Variants in MYRFL observed in about 807,000 individuals in gnomAD.
The protein encoded by MYRFL is myelin regulatory factor-like protein.
Under a neutral mutation model 109.4 loss-of-function variants are expected in MYRFL, and 88 were observed. The observed-to-expected ratio is 0.80, with a 90% CI of 0.68 to 0.96. The LOEUF (loss-of-function observed/expected upper bound fraction) is 0.96. MYRFL is among the 40% of genes least tolerant of loss of function. The pLI is 0.00. For synonymous variants in MYRFL, 324 were observed against 320.9 expected, an observed-to-expected ratio of 1.01 and a Z score of -0.10; for missense variants, 957 against 954.9, an observed-to-expected ratio of 1.00 and a Z score of -0.03.
At chr12:69,949,753 G>T (rs1389353539) in intron 19 of MYRFL, among the ~76,000 whole-genome samples, 1 of 151,902 alleles carries the variant, frequency 6.6e-6, no homozygotes, top group Non-Finnish European at 1.5e-5. Flanking sequence ...GAAGCCAGAA[G>T]ACTGGACACC....
At chr12:69,930,162 A>G (rs1955224985) in intron 15 of MYRFL, among the ~76,000 whole-genome samples, 2 of 151,978 alleles carry the variant, frequency 1.3e-5, no homozygotes, top group Admixed American at 6.5e-5. Flanking sequence ...GGGTCATGGA[A>G]ATGCTTGTGT....
At chr12:69,862,658 A>G (rs1029583442) in intron 2 of MYRFL, among the ~76,000 whole-genome samples, 6 of 151,862 alleles carry the variant, frequency 4.0e-5, no homozygotes, top group East Asian at 3.9e-4. Flanking sequence ...GGCTGAGACA[A>G]TGGGGTTTTC....
At chr12:69,905,216 A>G (rs1954317250) in intron 11 of MYRFL, among the ~76,000 whole-genome samples, 1 of 152,234 alleles carries the variant, frequency 6.6e-6, no homozygotes, top group African/African-American at 2.4e-5. Context: ...ACTAAAATGT[A>G]AATTGAATAT....
Position 69,903,685 on chromosome 12 carries a change from G to A in MYRFL, c.1224G>A (p.Leu408=), listed in dbSNP as rs1954261579. 6.5e-7 allele frequency: 1 copy of A among 1,535,710 alleles called. No individual in the cohort carries two copies. Among genetic ancestry groups the A allele is most frequent in the African/African-American group, 1.4e-5 (1 of 73,024 alleles). ...PGQFENDSDA[L]WQRGQVPESI... is the part of the protein sequence containing the mutation. Reference sequence around the variant, plus strand: ...AGTTTGAAAATGACAGTGATGCATTGTGGCAGCGAGGACAAGTTCCAGAAT... The same window carrying A: ...AGTTTGAAAATGACAGTGATGCATTATGGCAGCGAGGACAAGTTCCAGAAT... Residue 408 remains leucine, a synonymous_variant, in exon 11 of 25, where the codon TTG becomes TTA. Transcript: ENST00000552032.
At chr12:69,910,586 G>T (rs1306876630) in intron 12 of MYRFL, among the ~76,000 whole-genome samples, 2 of 149,262 alleles carry the variant, frequency 1.3e-5, no homozygotes, top group African/African-American at 2.5e-5. Context: ...TACTTCTATG[G>T]ACAGGGATTT....
intron 1 of MYRFL, among the ~76,000 whole-genome samples, chr12:69,829,846 A>G (rs866654363): frequency 2.0e-4 from 30 of 152,164 alleles, no homozygotes; most frequent in African/African-American, 6.3e-4. Flanking sequence ...TTCTGACAGA[A>G]GAGTCAGAAG....
At chr12:69,956,165 T>C (rs370852275) in intron 22 of MYRFL, among the ~76,000 whole-genome samples, 9 of 146,920 alleles carry the variant, frequency 6.1e-5, no homozygotes, top group African/African-American at 2.3e-4. Context: ...TTGGGACACT[T>C]GGGTTTAGAG....
intron 11 of MYRFL, among the ~76,000 whole-genome samples, chr12:69,906,536 A>G (rs1366738371): frequency 2.0e-5 from 3 of 151,718 alleles, no homozygotes; most frequent in Non-Finnish European, 4.4e-5. Context: ...GGCTGAAAAA[A>G]GGTAGCAAGA....
At chr12:69,885,801 A>G (rs1041242082) in intron 5 of MYRFL, among the ~76,000 whole-genome samples, 7 of 152,332 alleles carry the variant, frequency 4.6e-5, no homozygotes, top group African/African-American at 1.4e-4. Context: ...GATATTGCAC[A>G]CTAACAAGAT....
At chr12:69,893,612 A>T (rs1344632021) in intron 7 of MYRFL, among the ~76,000 whole-genome samples, 152 bp from the exon 8 acceptor site, 5 of 152,124 alleles carry the variant, frequency 3.3e-5, no homozygotes, top group Non-Finnish European at 7.4e-5. Context: ...TAAGGTAGGG[A>T]CTATTGTCTT....
chr12:69,905,184 A>G (rs1954316505), intron 11 of MYRFL, among the ~76,000 whole-genome samples: 2 of 152,210 alleles, frequency 1.3e-5, no homozygotes. Context: ...GCAATTGGCT[A>G]TACAATTCAC....
At chr12:69,952,017 A>G in intron 19 of MYRFL, 96 bp from the exon 20 acceptor site, 1 of 949,536 alleles carries the variant, frequency 1.1e-6, no homozygotes, top group South Asian at 1.5e-5. Flanking sequence ...AGGGTGGGGG[A>G]ACACTCAACT....
chr12:69,856,011 G>A (rs1002748582), intron 2 of MYRFL, among the ~76,000 whole-genome samples: 2 of 151,948 alleles, frequency 1.3e-5, no homozygotes, highest in Non-Finnish European at 2.9e-5. Context: ...CAAGTTCATA[G>A]TAATATAACC....
chr12:69,891,609 T>C (rs867545906), intron 7 of MYRFL, among the ~76,000 whole-genome samples: 60 of 105,704 alleles, frequency 5.7e-4, no homozygotes, highest in African/African-American at 2.3e-3. Flanking sequence ...TTCTTTCTCT[T>C]TCTTTCTTTC....
intron 19 of MYRFL, among the ~76,000 whole-genome samples, chr12:69,944,004 G>T (rs1175902264): frequency 6.7e-6 from 1 of 148,660 alleles, no homozygotes; most frequent in Non-Finnish European, 1.5e-5. Flanking sequence ...ACACCAGTTA[G>T]AATGGCAATC....
At chr12:69,840,714 G>A (rs117857657) in intron 1 of MYRFL, among the ~76,000 whole-genome samples, 189 of 152,290 alleles carry the variant, frequency 1.2e-3, no homozygotes, top group Middle Eastern at 3.4e-3. Context: ...GAACAGGAAA[G>A]GCAATGAAGC....
intron 1 of MYRFL, 141 bp downstream of exon 1, chr12:69,825,704 G>A: frequency 4.9e-6 from 3 of 613,078 alleles, no homozygotes; most frequent in Non-Finnish European, 8.7e-6. Context: ...ATCAAAAGTA[G>A]GGGTTTATTT....
chr12:69,901,081 G>A (rs1282738444), intron 10 of MYRFL, among the ~76,000 whole-genome samples: 1 of 152,218 alleles, frequency 6.6e-6, no homozygotes, highest in African/African-American at 2.4e-5. Flanking sequence ...ACAGTACAGA[G>A]AAAGATTAAG....
At position 69,936,645 on chromosome 12, in the gene MYRFL, C is replaced by T. The variant is rs1955479603; in HGVS notation, c.2224+13C>T. On this transcript the variant is annotated intron_variant, in intron 19 of 24. Transcript: ENST00000552032. Reference sequence around the variant, plus strand: ...AGGCGATGGTCAGGTAAATGATGTTCAAAGAGAAACAACTAGAGCTTTGAA... The same window carrying T: ...AGGCGATGGTCAGGTAAATGATGTTTAAAGAGAAACAACTAGAGCTTTGAA... 6.0e-6 allele frequency: 9 copies of T among 1,489,912 alleles called. No individual in the cohort carries two copies. The highest frequency in any genetic ancestry group is 1.4e-5 in the African/African-American group (1 of 71,046). The allele number at this position is 1,489,912 out of a possible 1,614,324, so 92.3% of individuals were successfully genotyped here. A position where few individuals can be genotyped will look rare whatever the true frequency, so the allele number is the denominator to read the frequency against.
Sources: gnomAD v4.1 joint callset for allele counts (sites outside exome capture counted in the v4.1 genomes callset) on GRCh38, gnomAD v4.1.1 for gene constraint, MANE v1.5 for transcripts, NCBI Gene and HGNC (gene_info 2026-07-23, HGNC 2026-07-21) for gene names.